Variants in FLNB observed in about 807,000 individuals in gnomAD.
FLNB encodes filamin-B.
In FLNB, 111 loss-of-function variants were observed where a neutral mutation model predicts 250.6. That is an observed-to-expected ratio of 0.44 (90% CI 0.38 to 0.52). The LOEUF (loss-of-function observed/expected upper bound fraction) is 0.52. FLNB is among the 20% of genes least tolerant of loss of function. FLNB has a pLI of 0.00. For missense variants in FLNB, 2,869 were observed against 3,447.8 expected, an observed-to-expected ratio of 0.83 and a Z score of 4.20; for synonymous variants, 1,302 against 1,372.1, an observed-to-expected ratio of 0.95 and a Z score of 1.13.
chr3:58,100,369 A>ATATATATATATATATAT (rs1559692340), intron 8 of FLNB, among the ~76,000 whole-genome samples: 9 of 26,614 alleles, frequency 3.4e-4, no homozygotes, highest in African/African-American at 2.7e-3. Context: ...ATATGTAAAA[A>ATATATATATATATATAT]AAAAATATAT....
At chr3:58,101,272 G>A (rs977632760) in intron 8 of FLNB, among the ~76,000 whole-genome samples, 3 of 152,128 alleles carry the variant, frequency 2.0e-5, no homozygotes, top group African/African-American at 4.8e-5. Context: ...TGGAGTCTGT[G>A]ACCTTCCTGT....
chr3:58,066,280 C>T lies in FLNB; in HGVS notation c.293-10766C>T, dbSNP rs145829453. Among the ~76,000 whole-genome samples, 698 of 147,070 alleles carry T rather than the reference C, an allele frequency of 4.7e-3. 6 individuals are homozygous for T. The highest frequency in any genetic ancestry group is 0.016 in the African/African-American group (621 of 39,068). On this transcript the variant is annotated intron_variant, in intron 1 of 45. Transcript: ENST00000295956. Reference sequence around the variant, plus strand: ...CCCAGTGGCAACAAGAGTGCAATGGCGAAATCTCGGCTCACCACAACCTCT... The same window carrying T: ...CCCAGTGGCAACAAGAGTGCAATGGTGAAATCTCGGCTCACCACAACCTCT...
At chr3:58,123,940 G>T (rs1374969699) in intron 21 of FLNB, among the ~76,000 whole-genome samples, 2 of 152,158 alleles carry the variant, frequency 1.3e-5, no homozygotes, top group Non-Finnish European at 2.9e-5. Flanking sequence ...ACCTAGCATT[G>T]TCAGCAGAAT....
chr3:58,121,890 C>T (rs141410145), intron 20 of FLNB, among the ~76,000 whole-genome samples: 67 of 152,294 alleles, frequency 4.4e-4, no homozygotes, highest in African/African-American at 1.5e-3. Flanking sequence ...ATTATTCTGG[C>T]CAGGCGCGGT....
rs758935128 is a variant in FLNB, at chr3:58,126,758, C to A, written c.4218C>A (p.Ile1406=). 52 of 1,613,292 alleles carry A rather than the reference C, an allele frequency of 3.2e-5. No individual in the cohort carries two copies. The highest frequency in any genetic ancestry group is 3.4e-6 in the Non-Finnish European group (4 of 1,179,460). ...DVNITYGGAH[I]PGSPFRVPVK... ...ATATCACATATGGAGGAGCCCACAT[C>A]CCCGGTGAGCTATTCCTCAGAGAGG... is the stretch of plus-strand genomic sequence containing the variant. The change falls in exon 24 of 46, where the codon ATC becomes ATA. Residue 1406 remains isoleucine, a synonymous_variant. Coordinates refer to ENST00000295956, the MANE Select transcript of FLNB (RefSeq NM_001457.4).
At chr3:58,153,276 C>A in intron 38 of FLNB, 99 bp from the exon 39 acceptor site, 1 of 1,410,780 alleles carries the variant, frequency 7.1e-7, no homozygotes, top group Non-Finnish European at 1.0e-6. Flanking sequence ...CACCGGGCTG[C>A]ACACACCTTG....
chr3:58,087,546 C>T (rs1425150138), intron 4 of FLNB, among the ~76,000 whole-genome samples: 2 of 150,124 alleles, frequency 1.3e-5, no homozygotes, highest in African/African-American at 2.5e-5. Context: ...CTCTGCTGCC[C>T]GGGTTCAAGC....
rs2097367108 is a variant in FLNB at position 58,164,483 on chromosome 3, T to C, written c.7198+1153T>C. On this transcript the variant is annotated intron_variant, in intron 43 of 45. Coordinates refer to ENST00000295956, the MANE Select transcript of FLNB (RefSeq NM_001457.4). This position sits in a 1 kb window ranked among gnomAD's most constrained non-coding sequence, Gnocchi z 4.0. ...CCCACCCCGCATAAGGAGAGTGGGA[T>C]GGAGCAGACTTGCCTCCCAGGGGTG... The C allele has an allele frequency of 6.6e-6, 1 of 152,276 alleles. No individual in the cohort carries two copies. Among genetic ancestry groups the C allele is most frequent in the Admixed American group, 6.5e-5 (1 of 15,286 alleles). 9.4% of individuals were successfully genotyped at this position (152,276 alleles called of 1,614,324 possible). A position where few individuals can be genotyped will look rare whatever the true frequency, so the allele number is the denominator to read the frequency against.
chr3:58,079,139 TGGACCCTAACTATTA>T (rs2097205570), intron 3 of FLNB, among the ~76,000 whole-genome samples: 1 of 152,222 alleles, frequency 6.6e-6, no homozygotes, highest in South Asian at 2.1e-4. Flanking sequence ...ACTACAAATA[TGGACCCTAACTATTA>T]GGTTGAGCCA....
At chr3:58,093,657 A>G (rs1247811616) in intron 4 of FLNB, among the ~76,000 whole-genome samples, 1 of 150,834 alleles carries the variant, frequency 6.6e-6, no homozygotes, top group African/African-American at 2.5e-5. Context: ...ACACACACAC[A>G]CACCCCTATG....
At chr3:58,009,208 C>G (rs937195180) in intron 1 of FLNB, among the ~76,000 whole-genome samples, 1 of 152,236 alleles carries the variant, frequency 6.6e-6, no homozygotes. Flanking sequence ...TCGCTGTCCC[C>G]GGGGGCGGGC....
chr3:58,086,238 CAA>C (rs2097217189), intron 4 of FLNB, among the ~76,000 whole-genome samples: 1 of 151,214 alleles, frequency 6.6e-6, no homozygotes, highest in Non-Finnish European at 1.5e-5. Flanking sequence ...TGAGCTCAAG[CAA>C]TCCCCCTGCC....
intron 43 of FLNB, among the ~76,000 whole-genome samples, chr3:58,167,515 G>A (rs1050169515): frequency 7.2e-5 from 11 of 152,256 alleles, no homozygotes; most frequent in Non-Finnish European, 1.0e-4. Flanking sequence ...CCTGCATGGG[G>A]ATGCTATGCC....
At chr3:58,096,770 A>G (rs541802006) in intron 6 of FLNB, among the ~76,000 whole-genome samples, 1 of 152,184 alleles carries the variant, frequency 6.6e-6, no homozygotes, top group East Asian at 1.9e-4. Flanking sequence ...CAGCCTCCCA[A>G]AGTGCTGGGA....
intron 1 of FLNB, among the ~76,000 whole-genome samples, chr3:58,070,507 C>T (rs1428388354): frequency 1.3e-5 from 2 of 152,088 alleles, no homozygotes; most frequent in Non-Finnish European, 2.9e-5. Flanking sequence ...GTGTTTGCAA[C>T]CCCTCTACCA....
At position 58,142,234 on chromosome 3, in the gene FLNB, G is replaced by A. The variant is rs545312469; in HGVS notation, c.5181+305G>A. On this transcript the variant is annotated intron_variant, in intron 30 of 45. Coordinates refer to ENST00000295956, the MANE Select transcript of FLNB (RefSeq NM_001457.4). This position sits in a 1 kb window ranked among gnomAD's most constrained non-coding sequence, Gnocchi z 4.3. ...AGCCCTCCTGCTGCCTCTCAAAGCC[G>A]CCACTTGCACATTCAGTTTCTGTTC... Among the ~76,000 whole-genome samples, 9 of 152,140 alleles carry A rather than the reference G, an allele frequency of 5.9e-5. No homozygotes were observed. Among genetic ancestry groups the A allele is most frequent in the African/African-American group, 1.4e-4 (6 of 41,416 alleles).
chr3:58,085,638 T>C (rs1225477399), intron 4 of FLNB, among the ~76,000 whole-genome samples: 2 of 152,198 alleles, frequency 1.3e-5, no homozygotes, highest in African/African-American at 4.8e-5. Flanking sequence ...CAGATCTTTG[T>C]GGTGGGCTTC....
At position 58,150,220 on chromosome 3, in the gene FLNB, A is replaced by G; in HGVS notation, c.6360A>G (p.Lys2120=). The change falls in exon 38 of 46, where the codon AAA becomes AAG. Residue 2120 remains lysine, a synonymous_variant. Coordinates refer to ENST00000295956, the MANE Select transcript of FLNB (RefSeq NM_001457.4). ...TVGSICDLNL[K]IPEINSSDMS... ...GGAGCATTTGTGACCTGAACCTGAAAATCCCAGGTGGGCGTCGGGGACTAG... is the reference window on the plus strand; with the variant it reads ...GGAGCATTTGTGACCTGAACCTGAAGATCCCAGGTGGGCGTCGGGGACTAG... 6.2e-7 allele frequency: 1 copy of G among 1,614,132 alleles called. No homozygotes were observed. The highest frequency in any genetic ancestry group is 8.5e-7 in the Non-Finnish European group (1 of 1,180,022).
At chr3:58,044,360 G>A (rs904035232) in intron 1 of FLNB, among the ~76,000 whole-genome samples, 4 of 152,134 alleles carry the variant, frequency 2.6e-5, no homozygotes, top group Admixed American at 6.6e-5. Flanking sequence ...ACTTTGAGAG[G>A]CCAAGGTGGG....
Sources: gnomAD v4.1 joint callset for allele counts (sites outside exome capture counted in the v4.1 genomes callset) on GRCh38, gnomAD v4.1.1 for gene constraint, Gnocchi (gnomAD v3.1) non-coding constraint, MANE v1.5 for transcripts, NCBI Gene and HGNC (gene_info 2026-07-23, HGNC 2026-07-21) for gene names.